Variants in PHF3 observed in about 807,000 individuals in gnomAD.
PHF3 encodes the protein PHD finger protein 3.
In PHF3, 41 loss-of-function variants were observed where a neutral mutation model predicts 178.4. That is an observed-to-expected ratio of 0.23 (90% CI 0.18 to 0.30). PHF3 has a LOEUF of 0.30. Among genes scored for constraint, PHF3 ranks in the 10% least tolerant of loss-of-function variants. PHF3 has a pLI of 1.00. For missense variants in PHF3, 2,346 were observed against 2,398.1 expected, an observed-to-expected ratio of 0.98 and a Z score of 0.45; for synonymous variants, 842 against 800.5, an observed-to-expected ratio of 1.05 and a Z score of -0.88.
intron 2 of PHF3, 33 bp downstream of exon 2, chr6:63,646,828 T>TTTTTTTTAATG (rs1764806313): frequency 8.9e-7 from 1 of 1,125,124 alleles, no homozygotes; most frequent in African/African-American, 2.1e-5. Flanking sequence ...TTTTTTTTTT[T>TTTTTTTTAATG]AGTCTGCAAT....
chr6:63,712,060 A>C lies in PHF3; in HGVS notation c.4472A>C (p.Asn1491Thr). 1 of 1,613,758 alleles carries C rather than the reference A, an allele frequency of 6.2e-7. No individual in the cohort carries two copies. Among genetic ancestry groups the C allele is most frequent in the African/African-American group, 1.3e-5 (1 of 75,048 alleles). ...CAGGCCCAGTCAGTGATGGAACAAA[A>C]CACTGTTAAAGAAATTCCATTTTTA... ...YDQAQSVMEQNTVKEIPFLNE... is the reference protein window; with the variant it reads ...YDQAQSVMEQTTVKEIPFLNE... The change falls in exon 16 of 16, where the codon AAC becomes ACC. Residue 1491 changes from asparagine to threonine, a missense_variant. Coordinates refer to ENST00000262043, the MANE Select transcript of PHF3 (RefSeq NM_001370348.2).
chr6:63,671,381 G>GCTTT (rs1469164373), intron 2 of PHF3, among the ~76,000 whole-genome samples: 2 of 152,178 alleles, frequency 1.3e-5, no homozygotes, highest in Non-Finnish European at 2.9e-5. Flanking sequence ...ATTGATTGTG[G>GCTTT]CTTTGGCCAT....
chr6:63,703,454 T>C, intron 10 of PHF3, 82 bp from the exon 11 acceptor site: 2 of 1,412,828 alleles, frequency 1.4e-6, no homozygotes, highest in South Asian at 2.7e-5. Flanking sequence ...TAGGAAAATA[T>C]AAATGGAAAA....
intron 1 of PHF3, 60 bp from the exon 2 acceptor site, chr6:63,646,467 A>C: frequency 8.7e-7 from 1 of 1,150,118 alleles, no homozygotes; most frequent in Non-Finnish European, 1.2e-6. Flanking sequence ...ATAATTTGGT[A>C]TTAGGTGATT....
intron 14 of PHF3, among the ~76,000 whole-genome samples, chr6:63,710,311 A>G (rs966960668): frequency 6.6e-6 from 1 of 152,202 alleles, no homozygotes; most frequent in Non-Finnish European, 1.5e-5. Context: ...AATTTAACAG[A>G]TTTAAACACT....
At chr6:63,686,009 GATA>G in intron 4 of PHF3, 98 bp downstream of exon 4, 2 of 767,936 alleles carry the variant, frequency 2.6e-6, no homozygotes, top group Middle Eastern at 2.5e-4. Flanking sequence ...GACATTATTT[GATA>G]CACAGAGACC....
intron 2 of PHF3, among the ~76,000 whole-genome samples, chr6:63,675,175 T>G (rs1451994577): frequency 6.6e-6 from 1 of 152,166 alleles, no homozygotes; most frequent in East Asian, 1.9e-4. Context: ...AGTATGATCA[T>G]GGATTTTATG....
chr6:63,702,783 T>A (rs1015428591), intron 10 of PHF3, 144 bp downstream of exon 10: 1 of 763,874 alleles, frequency 1.3e-6, no homozygotes, highest in African/African-American at 1.8e-5. Flanking sequence ...TTAGTGGTTT[T>A]TTGAGTGTTG....
chr6:63,687,432 A>T (rs1236024040), intron 4 of PHF3, among the ~76,000 whole-genome samples: 1 of 152,178 alleles, frequency 6.6e-6, no homozygotes, highest in Non-Finnish European at 1.5e-5. Flanking sequence ...TAAATAAATG[A>T]ACACATTACT....
At chr6:63,701,604 T>C (rs1767478700) in intron 9 of PHF3, among the ~76,000 whole-genome samples, 1 of 152,200 alleles carries the variant, frequency 6.6e-6, no homozygotes, top group Admixed American at 6.5e-5. Flanking sequence ...TTTAGTTACA[T>C]CTCAGGCACT....
At chr6:63,665,972 A>C (rs940850371) in intron 2 of PHF3, among the ~76,000 whole-genome samples, 1 of 152,172 alleles carries the variant, frequency 6.6e-6, no homozygotes, top group African/African-American at 2.4e-5. Context: ...AAATTGACTG[A>C]CATGTATTCA....
chr6:63,646,761 C>G lies in PHF3; in HGVS notation c.210C>G (p.Ser70Arg). ...AGTTCTGTTTGCCTGTTTTGGATAG[C>G]AATGATCCCAATTTCCAGATGCCTT... ...SNQFCLPVLD[S>R]NDPNFQMPCS... The change falls in exon 2 of 16, where the codon AGC becomes AGG. Residue 70 changes from serine to arginine, a missense_variant. By Grantham distance (110) the Ser-to-Arg change is moderately radical. Around this residue, in one of 8 missense-constraint regions of PHF3, gnomAD observed 843 missense variants for 795.2 expected, o/e 1.06. Transcript: ENST00000262043. 1.3e-6 allele frequency: 2 copies of G among 1,557,862 alleles called. No individual in the cohort carries two copies. The highest frequency in any genetic ancestry group is 1.7e-6 in the Non-Finnish European group (2 of 1,152,696).
At position 63,684,887 on chromosome 6, in the gene PHF3, A is replaced by G. The variant is rs1226560525; in HGVS notation, c.1165A>G (p.Asn389Asp). The change falls in exon 4 of 16, where the codon AAC becomes GAC. Residue 389 changes from asparagine (N) to aspartate (D), a missense_variant. Asn to Asp is a conservative substitution (Grantham distance 23, BLOSUM62 1). Around this residue, in one of 8 missense-constraint regions of PHF3, gnomAD observed 843 missense variants for 795.2 expected, o/e 1.06. Coordinates refer to ENST00000262043, the MANE Select transcript of PHF3 (RefSeq NM_001370348.2). The stretch of plus-strand genomic sequence containing the variant: ...CATGGGTATTGCTGATAAAACTGAG[A>G]ACACCCTTGAAAGAAATAAAATTGA... The part of the protein sequence containing the change: ...DTMGIADKTE[N>D]TLERNKIEPL... 5 of 1,613,970 alleles carry G rather than the reference A, an allele frequency of 3.1e-6. No individual in the cohort carries two copies. Among genetic ancestry groups the G allele is most frequent in the Non-Finnish European group, 4.2e-6 (5 of 1,179,976 alleles).
At chr6:63,649,132 A>G (rs1401127390) in intron 2 of PHF3, among the ~76,000 whole-genome samples, 1 of 151,454 alleles carries the variant, frequency 6.6e-6, no homozygotes, top group East Asian at 1.9e-4. Context: ...TGGTAGAGAC[A>G]GGGTCTTGTT....
At chr6:63,664,020 A>AT (rs375015958) in intron 2 of PHF3, among the ~76,000 whole-genome samples, 1,801 of 152,170 alleles carry the variant, frequency 0.012, 30 homozygotes, top group African/African-American at 0.041. Context: ...GAAAAGTGTC[A>AT]TTTTTTTTAT....
At chr6:63,672,809 C>T (rs1765978368) in intron 2 of PHF3, among the ~76,000 whole-genome samples, 1 of 152,170 alleles carries the variant, frequency 6.6e-6, no homozygotes, top group African/African-American at 2.4e-5. Flanking sequence ...ATCCCAGCCG[C>T]CATACTTGAA....
intron 13 of PHF3, among the ~76,000 whole-genome samples, chr6:63,707,244 A>G (rs1767733583): frequency 6.6e-6 from 1 of 152,214 alleles, no homozygotes; most frequent in African/African-American, 2.4e-5. Context: ...TTTGTTAAAC[A>G]GATCTTCTGA....
At chr6:63,702,447 G>T (rs1335205415) in intron 9 of PHF3, 61 bp from the exon 10 acceptor site, 10 of 1,127,342 alleles carry the variant, frequency 8.9e-6, no homozygotes, top group African/African-American at 4.7e-5. Flanking sequence ...TATTATTTAA[G>T]GTGTACACTT....
chr6:63,699,097 T>C (rs1404972403), intron 8 of PHF3, among the ~76,000 whole-genome samples: 1 of 152,216 alleles, frequency 6.6e-6, no homozygotes, highest in Non-Finnish European at 1.5e-5. Flanking sequence ...CCAAGTATTA[T>C]AGCAGTAGAG....
Sources: gnomAD v4.1 joint callset for allele counts (sites outside exome capture counted in the v4.1 genomes callset) on GRCh38, gnomAD v4.1.1 for gene constraint, gnomAD v4.1.1 regional missense constraint, MANE v1.5 for transcripts, NCBI Gene and HGNC (gene_info 2026-07-23, HGNC 2026-07-21) for gene names.